Variants in LAP3 observed in about 807,000 individuals in gnomAD.
LAP3 encodes the protein cytosol aminopeptidase.
A neutral mutation model predicts 58.8 loss-of-function variants in LAP3; 46 were observed. The ratio of observed to expected loss-of-function variants is 0.78; its 90% confidence interval spans 0.62 to 1.00. The LOEUF (loss-of-function observed/expected upper bound fraction) is 1.00. Among genes scored for constraint, LAP3 ranks in the 50% least tolerant of loss-of-function variants. The pLI, the probability that LAP3 is intolerant of heterozygous loss-of-function variation, is 0.00. For synonymous variants in LAP3, 257 were observed against 237.7 expected (o/e 1.08, Z -0.75); for missense variants, 615 against 659.1 (o/e 0.93, Z 0.73).
chr4:17,589,410 A>G (rs749423120), intron 7 of LAP3, among the ~76,000 whole-genome samples: 2 of 152,136 alleles, frequency 1.3e-5, no homozygotes, highest in African/African-American at 2.4e-5. Context: ...GGTATACATT[A>G]CTTTAAATTT....
chr4:17,606,445 TCTC>T (rs1357682506), intron 11 of LAP3, among the ~76,000 whole-genome samples: 1 of 152,062 alleles, frequency 6.6e-6, no homozygotes, highest in Admixed American at 6.6e-5. Context: ...TTCAAGCAAT[TCTC>T]CTGCCTCAGC....
At position 17,595,507 on chromosome 4, in the gene LAP3, A is replaced by G. The variant is rs1577223374; in HGVS notation, c.961A>G (p.Lys321Glu). The change falls in exon 8 of 13, where the codon AAG (lysine) becomes GAG (glutamate). Residue 321 changes from lysine to glutamate, a missense_variant. Coordinates refer to ENST00000226299, the MANE Select transcript of LAP3 (RefSeq NM_015907.3). ...TICSAIVSAA[K>E]LNLPINIIGL... ...ATGCTCAGCCATCGTGTCTGCTGCA[A>G]AGCTTAATTTGCCCATTAATATTAT... 3.1e-6 allele frequency: 5 copies of G among 1,614,020 alleles called. No individual in the cohort carries two copies. Among genetic ancestry groups the G allele is most frequent in the Non-Finnish European group, 4.2e-6 (5 of 1,179,954 alleles).
At chr4:17,584,783 C>T in intron 5 of LAP3, 189 bp from the exon 6 acceptor site, 2 of 511,556 alleles carry the variant, frequency 3.9e-6, no homozygotes, top group South Asian at 5.0e-5. Flanking sequence ...TGTTTTCTAG[C>T]TTTCTGCACC....
intron 1 of LAP3, among the ~76,000 whole-genome samples, chr4:17,579,102 C>T (rs183126883): frequency 2.0e-5 from 3 of 152,268 alleles, no homozygotes; most frequent in Non-Finnish European, 2.9e-5. Context: ...CCTGAAGAAG[C>T]GTTGGGCCCA....
intron 6 of LAP3, among the ~76,000 whole-genome samples, chr4:17,586,922 A>G (rs188898668): frequency 1.3e-5 from 2 of 152,320 alleles, no homozygotes; most frequent in Non-Finnish European, 1.5e-5. Context: ...CCTGGCCAAC[A>G]TGGCGAAACA....
intron 1 of LAP3, among the ~76,000 whole-genome samples, chr4:17,578,298 C>T (rs999545601): frequency 6.6e-6 from 1 of 152,162 alleles, no homozygotes; most frequent in Non-Finnish European, 1.5e-5. Flanking sequence ...GGACCAGTCG[C>T]CTGACCAGTG....
intron 11 of LAP3, among the ~76,000 whole-genome samples, chr4:17,605,435 C>A (rs1369697231): frequency 6.6e-6 from 1 of 152,228 alleles, no homozygotes; most frequent in African/African-American, 2.4e-5. Flanking sequence ...TGGCTCCCAT[C>A]TCTCTCCCGA....
intron 7 of LAP3, among the ~76,000 whole-genome samples, chr4:17,590,721 G>A (rs1334474501): frequency 3.3e-5 from 5 of 151,558 alleles, no homozygotes; most frequent in Admixed American, 1.3e-4. Context: ...ACAGGCCCCC[G>A]CCACCATGCC....
In LAP3 at chr4:17,604,651, G is replaced by A. The variant is rs199781902; in HGVS notation, c.1244G>A (p.Trp415Ter). ...GTCTTTACCAATTCATCCTGGCTCT[G>A]GAACAAACTCTTCGAGGTAGGAATA... Reference protein sequence around the residue: ...TGVFTNSSWLWNKLFEASIET... With the variant: ...TGVFTNSSWL Residue 415 changes from tryptophan (W) to a stop codon, truncating the protein, a stop_gained, in exon 11 of 13, where the codon TGG becomes TAG. Transcript: ENST00000226299. LOFTEE classifies it high-confidence loss of function. 6.2e-7 allele frequency: 1 copy of A among 1,611,734 alleles called. No homozygotes were observed.
chr4:17,585,248 G>C (rs942547871), intron 6 of LAP3, 112 bp downstream of exon 6: 1 of 857,082 alleles, frequency 1.2e-6, no homozygotes, highest in African/African-American at 1.7e-5. Context: ...CCAGAGATTT[G>C]AGATGACCCA....
At position 17,607,525 on chromosome 4, in the gene LAP3, T is replaced by C. The variant is rs1293012074; in HGVS notation, c.1496T>C (p.Met499Thr). 1.2e-6 allele frequency: 2 copies of C among 1,613,976 alleles called. No individual in the cohort carries two copies. The highest frequency in any genetic ancestry group is 1.7e-6 in the Non-Finnish European group (2 of 1,180,032). Residue 499 changes from methionine to threonine, a missense_variant, in exon 13 of 13, where the codon ATG becomes ACG. Physicochemically the swap from Met to Thr is moderately conservative, Grantham distance 81. Transcript: ENST00000226299. ...KDEVPYLRKG[M>T]TGRPTRTLIE... The stretch of plus-strand genomic sequence containing the variant: ...GAAGTTCCCTATCTACGGAAAGGCA[T>C]GACTGGGAGGCCCACAAGGACTCTC...
chr4:17,606,781 C>T (rs1335846818), intron 11 of LAP3, 48 bp from the exon 12 acceptor site: 1 of 1,315,402 alleles, frequency 7.6e-7, no homozygotes. Context: ...CATGAATTTC[C>T]CACAACCTGC....
chr4:17,597,230 G>C (rs1350562543), intron 9 of LAP3, 96 bp downstream of exon 9: 4 of 996,794 alleles, frequency 4.0e-6, no homozygotes, highest in South Asian at 1.3e-5. Flanking sequence ...CAGAGCCCCA[G>C]AACCATATTA....
chr4:17,597,493 TC>T lies in LAP3; in HGVS notation c.1077+361del, dbSNP rs1344614528. ...CATGTTTCCCAGGCTGGTCCCAAAC[TC>T]CTAGACTCAAGTGATCTGCCCACCT... On this transcript the variant is annotated intron_variant, in intron 9 of 12. Coordinates refer to ENST00000226299, the MANE Select transcript of LAP3 (RefSeq NM_015907.3). 5.9e-5 allele frequency among the ~76,000 whole-genome samples: 9 copies of T among 152,290 alleles called. No homozygotes were observed. The South Asian group carries it at 1.9e-3, about 32-fold the overall frequency.
intron 9 of LAP3, 25 bp from the exon 10 acceptor site, chr4:17,598,431 C>T: frequency 2.6e-6 from 4 of 1,525,254 alleles, no homozygotes; most frequent in Non-Finnish European, 3.6e-6. Flanking sequence ...GCGCTGTCAC[C>T]CTTTCTGTTT....
intron 10 of LAP3, among the ~76,000 whole-genome samples, chr4:17,602,903 A>G (rs1410358834): frequency 1.3e-5 from 2 of 151,748 alleles, no homozygotes; most frequent in Non-Finnish European, 2.9e-5. Flanking sequence ...GCTGGTCTCG[A>G]ACTCCTGACC....
At chr4:17,583,742 G>T in intron 5 of LAP3, 100 bp downstream of exon 5, 1 of 1,340,768 alleles carries the variant, frequency 7.5e-7, no homozygotes, top group South Asian at 1.3e-5. Flanking sequence ...ACCCACAGCT[G>T]CGTGGCTTGG....
At chr4:17,600,066 C>G (rs1450769206) in intron 10 of LAP3, among the ~76,000 whole-genome samples, 1 of 152,124 alleles carries the variant, frequency 6.6e-6, no homozygotes, top group Non-Finnish European at 1.5e-5. Flanking sequence ...TTGCCAAATC[C>G]CAATGTTCAT....
intron 11 of LAP3, among the ~76,000 whole-genome samples, chr4:17,606,234 C>T (rs1174480081): frequency 6.6e-6 from 1 of 152,180 alleles, no homozygotes; most frequent in African/African-American, 2.4e-5. Context: ...ACTCTTTCAC[C>T]CTCATCAACC....
Sources: allele counts gnomAD v4.1 joint callset (sites outside exome capture counted in the v4.1 genomes callset), GRCh38; gene constraint gnomAD v4.1.1; transcripts MANE v1.5; gene names NCBI Gene and HGNC (gene_info 2026-07-23, HGNC 2026-07-21).